Variants in ITPR2 observed in about 807,000 individuals in gnomAD.
The protein encoded by ITPR2 is inositol 1,4,5-trisphosphate-gated calcium channel ITPR2.
Under a neutral mutation model 317.1 loss-of-function variants are expected in ITPR2, and 207 were observed. That is an observed-to-expected ratio of 0.65 (90% CI 0.58 to 0.73). The LOEUF is 0.73. Ranked by LOEUF, ITPR2 falls within the 30% of genes least tolerant of loss-of-function variation. The pLI, the probability that ITPR2 is intolerant of heterozygous loss-of-function variation, is 0.00. For synonymous variants in ITPR2, 1,156 were observed against 1,149.1 expected (o/e 1.01, Z -0.12); for missense variants, 2,613 against 3,284.0 (o/e 0.80, Z 4.99).
At chr12:26,695,194 A>T (rs116752022) in intron 10 of ITPR2, among the ~76,000 whole-genome samples, 2 of 152,336 alleles carry the variant, frequency 1.3e-5, no homozygotes, top group African/African-American at 2.4e-5. Context: ...AAAACTTTTT[A>T]AAAATCTAGC....
intron 35 of ITPR2, among the ~76,000 whole-genome samples, chr12:26,560,064 T>A (rs1332346798): frequency 2.0e-5 from 3 of 152,214 alleles, no homozygotes; most frequent in African/African-American, 7.2e-5. Context: ...GTGGCTAGCA[T>A]AGAATTTTCA....
At position 26,415,311 on chromosome 12, in the gene ITPR2, G is replaced by C. The variant is rs368117260; in HGVS notation, c.7298C>G (p.Pro2433Arg). 1 of 1,600,352 alleles carries C rather than the reference G, an allele frequency of 6.2e-7. No individual in the cohort carries two copies. Among genetic ancestry groups the C allele is most frequent in the Non-Finnish European group, 8.5e-7 (1 of 1,173,836 alleles). Reference protein sequence around the residue: ...MEVDRLKNRTPVTGSHQVPTM... With the variant: ...MEVDRLKNRTRVTGSHQVPTM... ...AGTGGTAATAGCAATACCTGTAACAGGAGTTCGGTTTTTCAGCCTATCAAC... is the reference window on the plus strand; with the variant it reads ...AGTGGTAATAGCAATACCTGTAACACGAGTTCGGTTTTTCAGCCTATCAAC... The change falls in exon 51 of 57, where the codon CCT (proline) becomes CGT (arginine). Residue 2433 changes from proline to arginine, a missense_variant. By Grantham distance (103) the Pro-to-Arg change is moderately radical. Coordinates refer to ENST00000381340, the MANE Select transcript of ITPR2 (RefSeq NM_002223.4).
chr12:26,567,951 T>A (rs12305185), intron 34 of ITPR2, among the ~76,000 whole-genome samples: 8 of 5,492 alleles, frequency 1.5e-3, no homozygotes, highest in South Asian at 6.5e-3. Context: ...ATATATATAT[T>A]ATATATATAT....
chr12:26,814,916 C>G (rs113973958), intron 1 of ITPR2, among the ~76,000 whole-genome samples: 1 of 152,084 alleles, frequency 6.6e-6, no homozygotes, highest in Non-Finnish European at 1.5e-5. Flanking sequence ...TGATTAGTTA[C>G]TATTTAAAAT....
intron 2 of ITPR2, among the ~76,000 whole-genome samples, chr12:26,764,814 T>C (rs761664613): frequency 2.0e-5 from 3 of 152,066 alleles, no homozygotes; most frequent in African/African-American, 4.8e-5. Context: ...TAAAAAGATA[T>C]TGAGAATGTA....
At chr12:26,354,675 T>G (rs1321857627) in intron 55 of ITPR2, among the ~76,000 whole-genome samples, 1 of 152,040 alleles carries the variant, frequency 6.6e-6, no homozygotes, top group Non-Finnish European at 1.5e-5. Flanking sequence ...CTTTTTTGTT[T>G]GTTTGTTTTT....
intron 45 of ITPR2, 110 bp downstream of exon 45, chr12:26,475,186 G>GT: frequency 8.1e-7 from 1 of 1,238,598 alleles, no homozygotes; most frequent in Non-Finnish European, 1.1e-6. Flanking sequence ...ACCTAGGATG[G>GT]TAAGTGCTGA....
Position 26,682,589 on chromosome 12 carries a change from C to T in ITPR2, c.1233G>A (p.Arg411=), listed in dbSNP as rs757752335. The T allele has an allele frequency of 1.2e-6, 2 of 1,606,972 alleles. No homozygotes were observed. Among genetic ancestry groups the T allele is most frequent in the South Asian group, 1.1e-5 (1 of 90,226 alleles). The part of the protein sequence containing the change: ...TSIPIDTDEE[R]PVMLKIGTCQ... ...TGACATTTACCTTTAACATAACAGG[C>T]CTCTCTTCATCTGTGTCTATGGGGA... Residue 411 remains arginine, a synonymous_variant, in exon 12 of 57, where the codon AGG becomes AGA. Transcript: ENST00000381340.
At position 26,686,573 on chromosome 12, in the gene ITPR2, A is replaced by G. The variant is rs201555625; in HGVS notation, c.1056T>C (p.Tyr352=). Residue 352 remains tyrosine (Y), a synonymous_variant, in exon 11 of 57, where the codon TAT becomes TAC. Coordinates refer to ENST00000381340, the MANE Select transcript of ITPR2 (RefSeq NM_002223.4). ...TGCCATGCGGGACTGAAACCAAAGT[A>G]TACATGATCTTCTCCCCTGCCTGGC... The part of the protein sequence containing the change: ...KKRQAGEKIM[Y]TLVSVPHGND... 4.3e-6 allele frequency: 7 copies of G among 1,612,890 alleles called. No homozygotes were observed. The highest frequency in any genetic ancestry group is 5.9e-6 in the Non-Finnish European group (7 of 1,179,258).
chr12:26,766,758 CGCT>C (rs1949727092), intron 2 of ITPR2, among the ~76,000 whole-genome samples: 1 of 152,106 alleles, frequency 6.6e-6, no homozygotes, highest in Admixed American at 6.5e-5. Context: ...TTAGTTCTTA[CGCT>C]GAGGTCTATG....
chr12:26,534,077 A>G (rs1203772549), intron 37 of ITPR2, among the ~76,000 whole-genome samples: 1 of 152,148 alleles, frequency 6.6e-6, no homozygotes, highest in African/African-American at 2.4e-5. Context: ...TGACATGTCC[A>G]TTCTCCTAAC....
intron 55 of ITPR2, among the ~76,000 whole-genome samples, chr12:26,345,417 T>G (rs1938273939): frequency 6.6e-6 from 1 of 152,202 alleles, no homozygotes; most frequent in Non-Finnish European, 1.5e-5. Flanking sequence ...GGATAATTTA[T>G]AAATTAGGCA....
At chr12:26,710,728 A>G (rs1237777539) in intron 9 of ITPR2, among the ~76,000 whole-genome samples, 1 of 152,212 alleles carries the variant, frequency 6.6e-6, no homozygotes, top group Non-Finnish European at 1.5e-5. Flanking sequence ...CGAAGAAAAC[A>G]TTTTCCTTCC....
At chr12:26,371,369 T>C (rs1296171889) in intron 55 of ITPR2, among the ~76,000 whole-genome samples, 1 of 152,220 alleles carries the variant, frequency 6.6e-6, no homozygotes, top group African/African-American at 2.4e-5. Context: ...TAAATATTTA[T>C]TAAGACCCTT....
In ITPR2 at chr12:26,560,292, G is replaced by A. The variant is rs182057126; in HGVS notation, c.4821+1470C>T. Among the ~76,000 whole-genome samples, 55 of 151,930 alleles carry A rather than the reference G, an allele frequency of 3.6e-4. No individual in the cohort carries two copies. In the East Asian group the frequency reaches 9.3e-3, roughly 26 times the overall value. On this transcript the variant is annotated intron_variant, in intron 35 of 56. Coordinates refer to ENST00000381340, the MANE Select transcript of ITPR2 (RefSeq NM_002223.4). ...TGCTACCCTTAGCCTCTCATAGGGC[G>A]TTCTTTTTTTTTCTCCTATCACTGT... is the stretch of plus-strand genomic sequence containing the variant.
In ITPR2 at chr12:26,338,240, G is replaced by A. The variant is rs1310120794; in HGVS notation, c.*1157C>T. On this transcript the variant is annotated 3_prime_UTR_variant, in exon 57 of 57. Coordinates refer to ENST00000381340, the MANE Select transcript of ITPR2 (RefSeq NM_002223.4). The stretch of plus-strand genomic sequence containing the variant: ...AACACACCAGGTTATTCTCTCCCTC[G>A]ACAAATTCTGAGTGCATGATTTAAT... 6 of 152,466 alleles carry A rather than the reference G, an allele frequency of 3.9e-5. No individual in the cohort carries two copies. Among genetic ancestry groups the A allele is most frequent in the East Asian group, 1.9e-4 (1 of 5,194 alleles). The allele number at this position is 152,466 out of a possible 1,614,324, so 9.4% of individuals were successfully genotyped here. A position where few individuals can be genotyped will look rare whatever the true frequency, so the allele number is the denominator to read the frequency against.
chr12:26,494,072 A>G lies in ITPR2; in HGVS notation c.5370+81T>C, dbSNP rs1942874581. ...TAGTAATAAGAGCTAAAAGAAACACATTACTTTTCCTTGGTTTCTGTGACA... is the reference window on the plus strand; with the variant it reads ...TAGTAATAAGAGCTAAAAGAAACACGTTACTTTTCCTTGGTTTCTGTGACA... On this transcript the variant is annotated intron_variant, in intron 39 of 56. Coordinates refer to ENST00000381340, the MANE Select transcript of ITPR2 (RefSeq NM_002223.4). 4 of 1,113,884 alleles carry G rather than the reference A, an allele frequency of 3.6e-6. No homozygotes were observed. In the African/African-American group the frequency reaches 4.9e-5, roughly 14 times the overall value. The allele number at this position is 1,113,884 out of a possible 1,614,324, so 69.0% of individuals were successfully genotyped here.
chr12:26,608,509 A>T (rs933225717), intron 26 of ITPR2, among the ~76,000 whole-genome samples: 1 of 130,188 alleles, frequency 7.7e-6, no homozygotes, highest in Non-Finnish European at 1.8e-5. Flanking sequence ...TGAAGTGAGG[A>T]ACCCCTCTGC....
chr12:26,784,711 G>A (rs1438933395), intron 2 of ITPR2, among the ~76,000 whole-genome samples: 19 of 151,348 alleles, frequency 1.3e-4, no homozygotes, highest in Non-Finnish European at 2.8e-4. Flanking sequence ...CCTCCCAACC[G>A]CCTGCCTTGG....
Sources: allele counts gnomAD v4.1 joint callset (sites outside exome capture counted in the v4.1 genomes callset), GRCh38; gene constraint gnomAD v4.1.1; transcripts MANE v1.5; gene names NCBI Gene and HGNC (gene_info 2026-07-23, HGNC 2026-07-21).